Variants in NAV1 observed in about 807,000 individuals in gnomAD.
NAV1 encodes pore membrane and/or filament interacting like protein 3.
A neutral mutation model predicts 175.2 loss-of-function variants in NAV1; 18 were observed. The observed-to-expected ratio is 0.10, with a 90% CI of 0.07 to 0.15. NAV1 has a LOEUF of 0.15. Ranked by LOEUF, NAV1 falls within the 10% of genes least tolerant of loss-of-function variation. The pLI, the probability that NAV1 is intolerant of heterozygous loss-of-function variation, is 1.00. For missense variants in NAV1, 1,731 were observed against 2,436.6 expected, an observed-to-expected ratio of 0.71 and a Z score of 6.10; for synonymous variants, 897 against 978.7, an observed-to-expected ratio of 0.92 and a Z score of 1.56.
chr1:201,615,234 A>T (rs1667968149), intron 2 of NAV1, among the ~76,000 whole-genome samples: 1 of 150,188 alleles, frequency 6.7e-6, no homozygotes, highest in Admixed American at 6.6e-5. Flanking sequence ...CCTTAACATA[A>T]TTTCTGCCAT....
chr1:201,670,588 A>G (rs1670004625), intron 1 of NAV1, among the ~76,000 whole-genome samples: 2 of 148,156 alleles, frequency 1.3e-5, no homozygotes, highest in East Asian at 4.0e-4. Context: ...GTTTGATGAT[A>G]GAGATGATGG....
At chr1:201,566,119 A>C (rs1339773785) in intron 1 of NAV1, among the ~76,000 whole-genome samples, 1 of 151,790 alleles carries the variant, frequency 6.6e-6, no homozygotes, top group Non-Finnish European at 1.5e-5. Flanking sequence ...ACTCTGCCCC[A>C]TCTCCCAGTT....
intron 3 of NAV1, among the ~76,000 whole-genome samples, chr1:201,771,096 C>T (rs1205913984): frequency 1.3e-5 from 2 of 152,090 alleles, no homozygotes; most frequent in Non-Finnish European, 2.9e-5. Flanking sequence ...TGGGGACTCA[C>T]TATGATCAGA....
In NAV1 at chr1:201,714,300, G is replaced by T. The variant is rs61821707; in HGVS notation, c.860+1381G>T. Among the ~76,000 whole-genome samples, 5 of 152,214 alleles carry T rather than the reference G, an allele frequency of 3.3e-5. No homozygotes were observed. In the East Asian group the frequency reaches 9.6e-4, roughly 29 times the overall value. On this transcript the variant is annotated intron_variant, in intron 2 of 29. Transcript: ENST00000367296. ...ACTTAGTCTTAAGTAGCTTTCAGCC[G>T]TTGGCTGTAGTTCTTCCTGCTTAGA...
intron 3 of NAV1, among the ~76,000 whole-genome samples, chr1:201,727,031 CCTCT>C (rs1672635984): frequency 6.6e-6 from 1 of 152,202 alleles, no homozygotes; most frequent in African/African-American, 2.4e-5. Context: ...TTTTCACCTC[CCTCT>C]GCTTGTTTCC....
At chr1:201,656,463 A>G (rs1312428324) in intron 1 of NAV1, among the ~76,000 whole-genome samples, 2 of 152,212 alleles carry the variant, frequency 1.3e-5, no homozygotes. Flanking sequence ...GTTGAATGTT[A>G]TAAGCTCCAG....
At chr1:201,814,357 G>A (rs1302983230) in intron 28 of NAV1, among the ~76,000 whole-genome samples, 1 of 139,364 alleles carries the variant, frequency 7.2e-6, no homozygotes. Flanking sequence ...GCAACAGAGT[G>A]AGAACCTGTC....
intron 1 of NAV1, among the ~76,000 whole-genome samples, chr1:201,568,322 C>A (rs1351259504): frequency 6.6e-6 from 1 of 152,212 alleles, no homozygotes; most frequent in Non-Finnish European, 1.5e-5. Flanking sequence ...TCCTGGAACC[C>A]TGGCTTGTCT....
At chr1:201,651,643 C>T (rs1470310650) in intron 1 of NAV1, among the ~76,000 whole-genome samples, 1 of 152,116 alleles carries the variant, frequency 6.6e-6, no homozygotes, top group Non-Finnish European at 1.5e-5. Context: ...ACATTGATCT[C>T]CTGAGGACTA....
chr1:201,587,478 G>C (rs1667069439), intron 1 of NAV1, among the ~76,000 whole-genome samples: 1 of 151,824 alleles, frequency 6.6e-6, no homozygotes, highest in Admixed American at 6.6e-5. Context: ...TTGAGTCCAG[G>C]AGGTTGAGAC....
chr1:201,736,314 A>T (rs1374031899), intron 3 of NAV1, among the ~76,000 whole-genome samples: 1 of 152,200 alleles, frequency 6.6e-6, no homozygotes, highest in African/African-American at 2.4e-5. Context: ...GGCCCCAGAC[A>T]GGTGACCCTG....
Position 201,787,251 on chromosome 1 carries a change from A to G in NAV1, c.2995+674A>G, listed in dbSNP as rs1384746495. ...CGGTTCTGTGAAGCAGTACGCCATG[A>G]TTGGCCTACTAGGAATCCATTCAGG... On this transcript the variant is annotated intron_variant, in intron 9 of 29. Coordinates refer to ENST00000367296, the Ensembl canonical transcript of NAV1. This position sits in a 1 kb window ranked among gnomAD's most constrained non-coding sequence, Gnocchi z 4.3. 6.6e-6 allele frequency among the ~76,000 whole-genome samples: 1 copy of G among 152,254 alleles called. No homozygotes were observed. The highest frequency in any genetic ancestry group is 1.9e-4 in the East Asian group (1 of 5,204).
rs982326780 is a variant in NAV1, at chr1:201,783,286, T to G, written c.2358-120T>G. On this transcript the variant is annotated intron_variant, in intron 6 of 29. Coordinates refer to ENST00000367296, the Ensembl canonical transcript of NAV1. ...ATTGTATTTCACAACAGCATTAGGATAAGCCTCTGTGCTTAGCAAATAGGC... is the reference window on the plus strand; with the variant it reads ...ATTGTATTTCACAACAGCATTAGGAGAAGCCTCTGTGCTTAGCAAATAGGC... 1.5e-5 allele frequency: 15 copies of G among 1,022,060 alleles called. No homozygotes were observed. In the African/African-American group the frequency reaches 2.1e-4, roughly 14 times the overall value. 63.3% of individuals were successfully genotyped at this position (1,022,060 alleles called of 1,614,324 possible).
chr1:201,748,481 T>A (rs1673906683), intron 3 of NAV1, among the ~76,000 whole-genome samples: 1 of 152,136 alleles, frequency 6.6e-6, no homozygotes, highest in Admixed American at 6.5e-5. Context: ...TCCACCAAGC[T>A]CTACCCCTGG....
chr1:201,777,201 A>G (rs1676008947), intron 3 of NAV1, among the ~76,000 whole-genome samples: 2 of 152,248 alleles, frequency 1.3e-5, no homozygotes, highest in South Asian at 4.1e-4. Flanking sequence ...AAAACAACAA[A>G]GAGGAAGACT....
At chr1:201,654,408 A>G (rs1475730682) in intron 1 of NAV1, among the ~76,000 whole-genome samples, 1 of 15,268 alleles carries the variant, frequency 6.5e-5, no homozygotes, top group Non-Finnish European at 1.6e-4. Context: ...CCCACCCCCT[A>G]CCACCCACCC....
At chr1:201,759,921 T>A (rs921160344) in intron 3 of NAV1, among the ~76,000 whole-genome samples, 6 of 152,200 alleles carry the variant, frequency 3.9e-5, no homozygotes, top group African/African-American at 1.4e-4. Context: ...TGCAATACAT[T>A]GAAGCTCCTT....
At chr1:201,573,805 G>GCA (rs112364830) in intron 1 of NAV1, among the ~76,000 whole-genome samples, 12,975 of 152,202 alleles carry the variant, frequency 0.085, 1,453 homozygotes, top group African/African-American at 0.27. Flanking sequence ...TCCAAAAAAT[G>GCA]CATTACATTC....
At chr1:201,824,087 G>A (rs1472465420) in exon 30 of NAV1, 1 of 152,160 alleles carries the variant, frequency 6.6e-6, no homozygotes, top group Non-Finnish European at 1.5e-5. Flanking sequence ...GAGAGGGCGG[G>A]GGAATTGTCC....
Sources: gnomAD v4.1 joint callset for allele counts (sites outside exome capture counted in the v4.1 genomes callset) on GRCh38, gnomAD v4.1.1 for gene constraint, Gnocchi (gnomAD v3.1) non-coding constraint, MANE v1.5 for transcripts, NCBI Gene and HGNC (gene_info 2026-07-23, HGNC 2026-07-21) for gene names.